MOB3B: variants seen among roughly 807,000 people sequenced by gnomAD.
The protein encoded by MOB3B is MOB kinase activator 3B.
Under a neutral mutation model 18.7 loss-of-function variants are expected in MOB3B, and 7 were observed. That is an observed-to-expected ratio of 0.37 (90% CI 0.21 to 0.70). The LOEUF (loss-of-function observed/expected upper bound fraction) is 0.70, where lower values mean the gene tolerates loss of function less well. Among genes scored for constraint, MOB3B ranks in the 30% least tolerant of loss-of-function variants. The pLI, the probability that MOB3B is intolerant of heterozygous loss-of-function variation, is 0.52. For synonymous variants in MOB3B, 111 were observed against 99.9 expected, an observed-to-expected ratio of 1.11 and a Z score of -0.66; for missense variants, 253 against 281.3, an observed-to-expected ratio of 0.90 and a Z score of 0.72.
At chr9:27,427,406 CAG>C (rs1822349955) in intron 2 of MOB3B, among the ~76,000 whole-genome samples, 1 of 152,232 alleles carries the variant, frequency 6.6e-6, no homozygotes, top group South Asian at 2.1e-4. Flanking sequence ...AACATTCTTT[CAG>C]AGTGACTGGT....
rs1397946787 is a variant in MOB3B at position 27,388,594 on chromosome 9, G to A, written c.419-29358C>T. Among the ~76,000 whole-genome samples, 3 of 152,024 alleles carry A rather than the reference G, an allele frequency of 2.0e-5. No homozygotes were observed. The East Asian group carries it at 5.8e-4, about 29-fold the overall frequency. The stretch of plus-strand genomic sequence containing the variant: ...CAGTGTACACTGTACCCAAGGTGTG[G>A]TCTTTTATACCTCGCCACCCCCAAC... On this transcript the variant is annotated intron_variant, in intron 2 of 3. Transcript: ENST00000262244.
intron 1 of MOB3B, among the ~76,000 whole-genome samples, chr9:27,458,431 G>T (rs538014158): frequency 6.6e-6 from 1 of 151,328 alleles, no homozygotes; most frequent in African/African-American, 2.4e-5. Flanking sequence ...ACTGGCACTC[G>T]CAAATATTTA....
At chr9:27,427,019 CAA>C (rs1822345038) in intron 2 of MOB3B, among the ~76,000 whole-genome samples, 1 of 152,128 alleles carries the variant, frequency 6.6e-6, no homozygotes. Context: ...AGAGAACATC[CAA>C]GTTTGCCATG....
At chr9:27,428,809 AC>A in intron 2 of MOB3B, among the ~76,000 whole-genome samples, 1 of 152,150 alleles carries the variant, frequency 6.6e-6, no homozygotes, top group East Asian at 1.9e-4. Flanking sequence ...AACAATGGTA[AC>A]CCATGTAGAT....
At chr9:27,504,188 C>T (rs919721990) in intron 1 of MOB3B, among the ~76,000 whole-genome samples, 3 of 152,194 alleles carry the variant, frequency 2.0e-5, no homozygotes, top group Non-Finnish European at 4.4e-5. Context: ...CACATTTATA[C>T]GTTGGTATTC....
chr9:27,422,227 G>A (rs1289577976), intron 2 of MOB3B, among the ~76,000 whole-genome samples: 1 of 152,154 alleles, frequency 6.6e-6, no homozygotes. Context: ...CAAATAGGTG[G>A]CTGGCTGAGC....
intron 3 of MOB3B, 131 bp downstream of exon 3, chr9:27,358,903 C>G (rs57134795): frequency 0.012 from 11,237 of 933,934 alleles, 341 homozygotes; most frequent in African/African-American, 0.094. Context: ...CACTAAACCC[C>G]ATTCAATTCT....
At chr9:27,506,832 A>ATTTTTTTT (rs71492749) in intron 1 of MOB3B, among the ~76,000 whole-genome samples, 5 of 120,480 alleles carry the variant, frequency 4.2e-5, no homozygotes, top group Non-Finnish European at 3.4e-5. Context: ...ACCCCGGCTA[A>ATTTTTTTT]TTTTTTTTTT....
intron 1 of MOB3B, among the ~76,000 whole-genome samples, chr9:27,520,381 G>A (rs1033183930): frequency 6.6e-6 from 1 of 152,218 alleles, no homozygotes; most frequent in South Asian, 2.1e-4. Flanking sequence ...CAGATATCAT[G>A]GAAACCATGT....
intron 1 of MOB3B, among the ~76,000 whole-genome samples, chr9:27,478,758 A>C (rs1819599793): frequency 6.6e-6 from 1 of 151,520 alleles, no homozygotes; most frequent in Non-Finnish European, 1.5e-5. Flanking sequence ...GCATTAAAGC[A>C]ATACATATGT....
chr9:27,526,236 A>T (rs1009659107), intron 1 of MOB3B: 2 of 152,272 alleles, frequency 1.3e-5, no homozygotes, highest in Non-Finnish European at 2.9e-5. Flanking sequence ...AATTTCAGCC[A>T]AGAAGTTAGA....
intron 3 of MOB3B, among the ~76,000 whole-genome samples, chr9:27,351,283 C>T (rs1289513212): frequency 7.6e-6 from 1 of 132,196 alleles, no homozygotes; most frequent in Non-Finnish European, 1.6e-5. Flanking sequence ...GGGCTGCTGA[C>T]ACATCATATC....
intron 2 of MOB3B, among the ~76,000 whole-genome samples, chr9:27,382,297 C>A (rs2131375312): frequency 2.0e-5 from 3 of 152,290 alleles, no homozygotes; most frequent in Middle Eastern, 6.8e-3. Context: ...CTGTGTGGAA[C>A]AACCACTGCT....
intron 2 of MOB3B, among the ~76,000 whole-genome samples, chr9:27,368,122 T>C (rs146960644): frequency 6.6e-5 from 10 of 152,270 alleles, no homozygotes; most frequent in African/African-American, 1.9e-4. Flanking sequence ...TCTGGCAGCG[T>C]GGCTGAGAAC....
Position 27,451,372 on chromosome 9 carries a change from G to T in MOB3B, c.418+3761C>A, listed in dbSNP as rs183127729. 2.6e-3 allele frequency among the ~76,000 whole-genome samples: 402 copies of T among 152,282 alleles called. 1 individual carries two copies. The highest frequency in any genetic ancestry group is 9.2e-3 in the African/African-American group (380 of 41,522). On this transcript the variant is annotated intron_variant, in intron 2 of 3. Transcript: ENST00000262244. ...TTTGTAATAAAAGAAGCCAGAAAAGGTTTCAAGAGAGAGTAAGGGAAACTA... is the reference window on the plus strand; with the variant it reads ...TTTGTAATAAAAGAAGCCAGAAAAGTTTTCAAGAGAGAGTAAGGGAAACTA...
At chr9:27,484,904 C>A (rs1299086874) in intron 1 of MOB3B, among the ~76,000 whole-genome samples, 1 of 152,164 alleles carries the variant, frequency 6.6e-6, no homozygotes, top group African/African-American at 2.4e-5. Flanking sequence ...GAAGGGGACT[C>A]TGGGACATGG....
intron 1 of MOB3B, among the ~76,000 whole-genome samples, chr9:27,483,450 C>T (rs1342346054): frequency 6.6e-6 from 1 of 152,142 alleles, no homozygotes; most frequent in African/African-American, 2.4e-5. Context: ...GTACTTCTTT[C>T]ATTGTTAAAT....
At chr9:27,428,539 A>G (rs769823864) in intron 2 of MOB3B, among the ~76,000 whole-genome samples, 14 of 152,252 alleles carry the variant, frequency 9.2e-5, no homozygotes, top group Non-Finnish European at 1.6e-4. Flanking sequence ...AAGACGTGGT[A>G]GAGGCCAAAG....
At position 27,471,583 on chromosome 9, in the gene MOB3B, C is replaced by T. The variant is rs1212581813; in HGVS notation, c.-198-15835G>A. Among the ~76,000 whole-genome samples, 5 of 152,322 alleles carry T rather than the reference C, an allele frequency of 3.3e-5. No individual in the cohort carries two copies. The East Asian group carries it at 5.8e-4, about 18-fold the overall frequency. ...GAGCTTACTATATCACATTGCTCAA[C>T]GTTAGCTTCCTCTTCTTCCATTTCT... On this transcript the variant is annotated intron_variant, in intron 1 of 3. Coordinates refer to ENST00000262244, the MANE Select transcript of MOB3B (RefSeq NM_024761.5).
Sources: allele counts gnomAD v4.1 joint callset (sites outside exome capture counted in the v4.1 genomes callset), GRCh38; gene constraint gnomAD v4.1.1; transcripts MANE v1.5; gene names NCBI Gene and HGNC (gene_info 2026-07-23, HGNC 2026-07-21).